Variants in THNSL2 observed in about 807,000 individuals in gnomAD.
THNSL2 encodes the protein threonine synthase like 2.
Under a neutral mutation model 40.0 loss-of-function variants are expected in THNSL2, and 34 were observed. That is an observed-to-expected ratio of 0.85 (90% CI 0.65 to 1.13). The LOEUF (loss-of-function observed/expected upper bound fraction) is 1.13. THNSL2 is among the 50% of genes most tolerant of loss of function. The probability of loss-of-function intolerance (pLI) is 0.00; values close to 1 mark genes in which losing one functional copy is unlikely to be tolerated. For missense variants in THNSL2, 537 were observed against 608.8 expected (o/e 0.88, Z 1.24); for synonymous variants, 241 against 247.5 (o/e 0.97, Z 0.25).
Position 88,175,231 on chromosome 2 carries a change from TC to T in THNSL2, c.419-16del. Reference sequence around the variant, plus strand: ...CCTTTGTTCTAAAGGGGGAGAGTTCTCCTTTCTTCCCATCCAGGAACATCTG... The same window carrying T: ...CCTTTGTTCTAAAGGGGGAGAGTTCTCTTTCTTCCCATCCAGGAACATCTG... On this transcript the variant is annotated splice_polypyrimidine_tract_variant and intron_variant, in intron 3 of 8. Coordinates refer to ENST00000674334, the MANE Select transcript of THNSL2 (RefSeq NM_018271.5). The T allele has an allele frequency of 6.2e-7, 1 of 1,611,210 alleles. No individual in the cohort carries two copies. Among genetic ancestry groups the T allele is most frequent in the South Asian group, 1.1e-5 (1 of 90,700 alleles).
intron 1 of THNSL2, chr2:88,172,434 T>G (rs1007508477): frequency 6.6e-5 from 10 of 152,208 alleles, no homozygotes; most frequent in African/African-American, 2.4e-4. Context: ...ACCAACCATC[T>G]TAGTTTGCCT....
chr2:88,181,081 C>T lies in THNSL2; in HGVS notation c.803-1618C>T, dbSNP rs1262804859. On this transcript the variant is annotated intron_variant, in intron 5 of 8. Coordinates refer to ENST00000674334, the MANE Select transcript of THNSL2 (RefSeq NM_018271.5). ...GGCTGGTGATGCACTCCTAGTCATT[C>T]CCACGCTCGCTCTCCTCTCTCCTCT... Among the ~76,000 whole-genome samples the T allele has an allele frequency of 1.3e-5, 2 of 150,442 alleles. 1 individual carries two copies. The highest frequency in any genetic ancestry group is 3.0e-5 in the Non-Finnish European group (2 of 67,718).
At chr2:88,183,309 G>GAC (rs1677900048) in intron 7 of THNSL2, 6 of 462,570 alleles carry the variant, frequency 1.3e-5, no homozygotes, top group African/African-American at 3.9e-5. Context: ...CATTGGGCTA[G>GAC]TTTCCTAAAC....
intron 7 of THNSL2, 41 bp from the exon 8 acceptor site, chr2:88,185,287 C>G (rs1016161856): frequency 1.3e-6 from 2 of 1,489,612 alleles, no homozygotes; most frequent in African/African-American, 2.8e-5. Flanking sequence ...TTCCCTACAT[C>G]CCCCCCCCAC....
chr2:88,185,524 T>G, intron 8 of THNSL2, 45 bp downstream of exon 8: 1 of 1,565,024 alleles, frequency 6.4e-7, no homozygotes, highest in Admixed American at 1.9e-5. Flanking sequence ...CATTTGAATT[T>G]CAGGGGCCCT....
chr2:88,171,367 C>G (rs1027606387), intron 1 of THNSL2: 126 of 455,864 alleles, frequency 2.8e-4, no homozygotes, highest in Non-Finnish European at 3.7e-4. Context: ...GCCAGCCCCT[C>G]TGTCCTCTGT....
intron 1 of THNSL2, 109 bp downstream of exon 1, chr2:88,170,565 C>T (rs1046546558): frequency 2.6e-5 from 4 of 152,310 alleles, no homozygotes; most frequent in African/African-American, 9.7e-5. Flanking sequence ...GGCCCACGTC[C>T]GTCGCCCCGC....
intron 7 of THNSL2, chr2:88,183,323 G>A (rs908180734): frequency 1.7e-5 from 7 of 404,138 alleles, no homozygotes; most frequent in Non-Finnish European, 2.6e-5. Context: ...CCTAAACTCT[G>A]TGCCTTGGTT....
Position 88,178,793 on chromosome 2 carries a change from C to T in THNSL2, c.582C>T (p.Asn194=). 1 of 1,614,110 alleles carries T rather than the reference C, an allele frequency of 6.2e-7. No homozygotes were observed. Among genetic ancestry groups the T allele is most frequent in the Non-Finnish European group, 8.5e-7 (1 of 1,180,024 alleles). ...QNVHVFGVEG[N]SDELDEPIKT... is the part of the protein sequence containing the mutation. ...TCTCCCCCCTGGCAGTGGAGGGAAA[C>T]AGCGATGAGCTCGATGAGCCGATCA... is the stretch of plus-strand genomic sequence containing the variant. Residue 194 remains asparagine, a synonymous_variant, in exon 5 of 9, where the codon AAC becomes AAT. Coordinates refer to ENST00000674334, the MANE Select transcript of THNSL2 (RefSeq NM_018271.5).
At chr2:88,182,669 GCC>G in intron 5 of THNSL2, 28 bp from the exon 6 acceptor site, 1 of 1,483,454 alleles carries the variant, frequency 6.7e-7, no homozygotes, top group Non-Finnish European at 9.0e-7. Context: ...TTTCTAAAAA[GCC>G]ATTGTTCTCC....
chr2:88,171,299 G>A, intron 1 of THNSL2: 1 of 456,696 alleles, frequency 2.2e-6, no homozygotes, highest in Non-Finnish European at 4.4e-6. Context: ...TGTTGCGTGA[G>A]GGGCATGGGT....
chr2:88,181,581 G>T (rs1160823088), intron 5 of THNSL2, among the ~76,000 whole-genome samples: 1 of 128,698 alleles, frequency 7.8e-6, no homozygotes, highest in African/African-American at 3.0e-5. Flanking sequence ...TGCTGTGTGT[G>T]TGTGTGTGTG....
chr2:88,184,415 A>G (rs953703973), intron 7 of THNSL2, among the ~76,000 whole-genome samples: 1 of 152,188 alleles, frequency 6.6e-6, no homozygotes, highest in Non-Finnish European at 1.5e-5. Flanking sequence ...AAAGACAAGT[A>G]AAATACATTC....
In THNSL2 at chr2:88,186,307, G is replaced by A; in HGVS notation, c.*184G>A. ...TCTGTGCCTGGTCACCAGGGAGGCT[G>A]AGTGAGGGGCTGTGAACAGTTGCCG... On this transcript the variant is annotated 3_prime_UTR_variant, in exon 9 of 9. Transcript: ENST00000674334. 1 of 637,198 alleles carries A rather than the reference G, an allele frequency of 1.6e-6. No homozygotes were observed. Among genetic ancestry groups the A allele is most frequent in the South Asian group, 1.9e-5 (1 of 52,512 alleles). The allele number at this position is 637,198 out of a possible 1,614,324, so 39.5% of individuals were successfully genotyped here. A position where few individuals can be genotyped will look rare whatever the true frequency, so the allele number is the denominator to read the frequency against.
rs1369502378 is a variant in THNSL2, at chr2:88,182,968, G to A, written c.972G>A (p.Arg324=). 1 of 1,614,124 alleles carries A rather than the reference G, an allele frequency of 6.2e-7. No individual in the cohort carries two copies. The highest frequency in any genetic ancestry group is 2.2e-5 in the East Asian group (1 of 44,880). The change falls in exon 7 of 9, where the codon AGG becomes AGA. Residue 324 remains arginine (R), a synonymous_variant. Transcript: ENST00000674334. ...MDIQVPYNME[R]VFWLLSGSDS... is the part of the protein sequence containing the mutation. ...CTCAGGTGCCCTACAACATGGAGAG[G>A]GTGTTCTGGCTGCTCTCTGGCTCTG...
chr2:88,182,493 C>A, intron 5 of THNSL2: 1 of 471,778 alleles, frequency 2.1e-6, no homozygotes, highest in Non-Finnish European at 3.6e-6. Context: ...TTTATATATT[C>A]TGGATACAAA....
rs1553460735 is a variant in THNSL2 at position 88,170,414 on chromosome 2, T to TCGCGCACCGGGCCCCGCGCCCCGCGCCC, written c.-50_-49insACCGGGCCCCGCGCCCCGCGCCCCGCGC. 6.0e-5 allele frequency: 9 copies of TCGCGCACCGGGCCCCGCGCCCCGCGCCC among 149,162 alleles called. No individual in the cohort carries two copies. Among genetic ancestry groups the TCGCGCACCGGGCCCCGCGCCCCGCGCCC allele is most frequent in the Middle Eastern group, 3.5e-3 (1 of 288 alleles). The allele number at this position is 149,162 out of a possible 1,614,324, so 9.2% of individuals were successfully genotyped here. On this transcript the variant is annotated 5_prime_UTR_variant, in exon 1 of 9. Coordinates refer to ENST00000674334, the MANE Select transcript of THNSL2 (RefSeq NM_018271.5). ...GGGCAGCCCTGCTGCGCACCGGGCC[T>TCGCGCACCGGGCCCCGCGCCCCGCGCCC]CGCGCCCCGCGCCCCGCGCCCCGCG...
chr2:88,174,943 C>T (rs1676753469), intron 3 of THNSL2, 110 bp downstream of exon 3: 2 of 1,300,460 alleles, frequency 1.5e-6, no homozygotes, highest in South Asian at 1.4e-5. Flanking sequence ...CTGGTTCTTC[C>T]AGAGCAAGGT....
At chr2:88,185,730 G>T (rs570492780) in intron 8 of THNSL2, 168 bp from the exon 9 acceptor site, 2 of 1,550,156 alleles carry the variant, frequency 1.3e-6, no homozygotes, top group African/African-American at 1.4e-5. Context: ...GCCAGGTAGC[G>T]TCATTGTAGC....
Sources: allele counts gnomAD v4.1 joint callset (sites outside exome capture counted in the v4.1 genomes callset), GRCh38; gene constraint gnomAD v4.1.1; transcripts MANE v1.5; gene names NCBI Gene and HGNC (gene_info 2026-07-23, HGNC 2026-07-21).